ENTHD1: variants seen among roughly 807,000 people sequenced by gnomAD.
ENTHD1 encodes the protein ENTH domain-containing protein 1.
A neutral mutation model predicts 39.1 loss-of-function variants in ENTHD1; 23 were observed. The observed-to-expected ratio is 0.59, with a 90% CI of 0.42 to 0.83. The LOEUF (loss-of-function observed/expected upper bound fraction) is 0.83. ENTHD1 is among the 40% of genes least tolerant of loss of function. The probability of loss-of-function intolerance (pLI) is 0.00; values close to 1 mark genes in which losing one functional copy is unlikely to be tolerated. For missense variants in ENTHD1, 624 were observed against 705.4 expected (o/e 0.88, Z 1.31); for synonymous variants, 230 against 258.2 (o/e 0.89, Z 1.05).
At chr22:39,875,172 T>C (rs545318281) in intron 2 of ENTHD1, 38 of 562,590 alleles carry the variant, frequency 6.8e-5, no homozygotes, top group Non-Finnish European at 9.5e-5. Context: ...TACATAACAA[T>C]ATGGATGACT....
intron 3 of ENTHD1, among the ~76,000 whole-genome samples, chr22:39,853,486 G>A (rs1001395585): frequency 6.6e-5 from 10 of 152,016 alleles, no homozygotes; most frequent in Non-Finnish European, 1.3e-4. Flanking sequence ...AGCTGCAATC[G>A]TGCCACTGCA....
chr22:39,801,796 G>A (rs1033305101), intron 5 of ENTHD1, among the ~76,000 whole-genome samples: 2 of 151,920 alleles, frequency 1.3e-5, no homozygotes, highest in African/African-American at 2.4e-5. Flanking sequence ...CTACATTCAA[G>A]GTTTGTTGTG....
At chr22:39,854,842 C>T (rs572216749) in intron 3 of ENTHD1, among the ~76,000 whole-genome samples, 1 of 152,314 alleles carries the variant, frequency 6.6e-6, no homozygotes, top group South Asian at 2.1e-4. Flanking sequence ...AATCACATTT[C>T]CTGCATTCAA....
At position 39,749,857 on chromosome 22, in the gene ENTHD1, G is replaced by A. The variant is rs147490225; in HGVS notation, c.1220-5574C>T. On this transcript the variant is annotated intron_variant, in intron 6 of 6. Coordinates refer to ENST00000325157, the MANE Select transcript of ENTHD1 (RefSeq NM_152512.4). Reference sequence around the variant, plus strand: ...GCGAAGGGTTCCAGGGCTGGGCACTGGGTTGATCTCACACCCCTCAGTGAG... The same window carrying A: ...GCGAAGGGTTCCAGGGCTGGGCACTAGGTTGATCTCACACCCCTCAGTGAG... Among the ~76,000 whole-genome samples, 459 of 152,284 alleles carry A rather than the reference G, an allele frequency of 3.0e-3. 3 individuals carry two copies. Among genetic ancestry groups the A allele is most frequent in the African/African-American group, 0.011 (442 of 41,550 alleles).
chr22:39,804,394 G>T (rs1268347108), intron 5 of ENTHD1, among the ~76,000 whole-genome samples: 1 of 149,636 alleles, frequency 6.7e-6, no homozygotes, highest in African/African-American at 2.5e-5. Flanking sequence ...GCTAAGGTGG[G>T]AGGATCACTT....
intron 6 of ENTHD1, chr22:39,750,002 A>G (rs1047197764): frequency 6.5e-6 from 1 of 153,362 alleles, no homozygotes; most frequent in African/African-American, 2.4e-5. Flanking sequence ...GACAGGATTC[A>G]TAATGTCCTC....
chr22:39,863,916 C>T (rs1050801549), intron 2 of ENTHD1, among the ~76,000 whole-genome samples: 11 of 152,194 alleles, frequency 7.2e-5, no homozygotes, highest in African/African-American at 2.7e-4. Context: ...GCCATCTTTT[C>T]CAAGATTATT....
intron 2 of ENTHD1, among the ~76,000 whole-genome samples, chr22:39,884,387 C>T (rs2066364390): frequency 6.6e-6 from 1 of 152,058 alleles, no homozygotes; most frequent in East Asian, 1.9e-4. Flanking sequence ...ACCATGTTGG[C>T]CAGGCTGGTC....
intron 6 of ENTHD1, chr22:39,750,941 C>G: frequency 6.5e-6 from 1 of 154,532 alleles, no homozygotes. Context: ...AGTCATCATC[C>G]AAAAAGCCAC....
At chr22:39,863,927 T>G (rs946618930) in intron 2 of ENTHD1, among the ~76,000 whole-genome samples, 12 of 152,204 alleles carry the variant, frequency 7.9e-5, no homozygotes, top group African/African-American at 2.7e-4. Context: ...CAAGATTATT[T>G]TATCTAATCT....
At chr22:39,830,905 T>C (rs772555515) in intron 4 of ENTHD1, among the ~76,000 whole-genome samples, 1 of 152,056 alleles carries the variant, frequency 6.6e-6, no homozygotes, top group Non-Finnish European at 1.5e-5. Context: ...AGAGAGAAAA[T>C]GCAAATGTGA....
intron 2 of ENTHD1, among the ~76,000 whole-genome samples, chr22:39,880,655 T>G (rs1442061366): frequency 2.0e-5 from 3 of 152,222 alleles, no homozygotes; most frequent in Admixed American, 2.0e-4. Context: ...AAACGAAGTT[T>G]ATTTTTAAAA....
chr22:39,872,430 CT>C (rs1373719709), intron 2 of ENTHD1, among the ~76,000 whole-genome samples: 1 of 151,988 alleles, frequency 6.6e-6, no homozygotes, highest in African/African-American at 2.4e-5. Flanking sequence ...TTGTCTAAAC[CT>C]TTTTCAAGGG....
At chr22:39,772,700 G>A (rs2065336494) in intron 5 of ENTHD1, among the ~76,000 whole-genome samples, 2 of 151,920 alleles carry the variant, frequency 1.3e-5, no homozygotes, top group South Asian at 2.1e-4. Flanking sequence ...TTTCAGACTG[G>A]ATAAAAAAGA....
chr22:39,874,087 C>T (rs1248584037), intron 2 of ENTHD1, among the ~76,000 whole-genome samples: 1 of 152,044 alleles, frequency 6.6e-6, no homozygotes, highest in Non-Finnish European at 1.5e-5. Flanking sequence ...AGGGAAACTC[C>T]CCCTTATAAA....
chr22:39,811,226 G>T (rs1396680685), intron 5 of ENTHD1, among the ~76,000 whole-genome samples: 4 of 152,192 alleles, frequency 2.6e-5, no homozygotes, highest in Non-Finnish European at 5.9e-5. Flanking sequence ...TGATAATCAT[G>T]GGCCTCTCTA....
At chr22:39,747,376 G>GATTTC (rs972129962) in intron 6 of ENTHD1, among the ~76,000 whole-genome samples, 11 of 152,158 alleles carry the variant, frequency 7.2e-5, no homozygotes, top group African/African-American at 2.2e-4. Flanking sequence ...GAATCTGAAA[G>GATTTC]AGGCTAAAAA....
chr22:39,759,289 G>A (rs931380232), intron 6 of ENTHD1, among the ~76,000 whole-genome samples: 3 of 152,058 alleles, frequency 2.0e-5, no homozygotes, highest in Non-Finnish European at 4.4e-5. Flanking sequence ...GTATATGTGT[G>A]TATCTATATG....
chr22:39,813,089 T>C (rs931520997), intron 5 of ENTHD1, among the ~76,000 whole-genome samples: 3 of 152,204 alleles, frequency 2.0e-5, no homozygotes, highest in African/African-American at 7.2e-5. Context: ...GGCCCAGTGC[T>C]TTGTCTTCAC....
Sources: gnomAD v4.1 joint callset for allele counts (sites outside exome capture counted in the v4.1 genomes callset) on GRCh38, gnomAD v4.1.1 for gene constraint, MANE v1.5 for transcripts, NCBI Gene and HGNC (gene_info 2026-07-23, HGNC 2026-07-21) for gene names.